SLC39A11: variants seen among roughly 807,000 people sequenced by gnomAD.
The protein encoded by SLC39A11 is zinc transporter ZIP11.
A neutral mutation model predicts 36.1 loss-of-function variants in SLC39A11; 33 were observed. The ratio of observed to expected loss-of-function variants is 0.91; its 90% CI spans 0.69 to 1.22. SLC39A11 has a LOEUF of 1.22. Among genes scored for constraint, SLC39A11 ranks in the 50% most tolerant of loss-of-function variants. SLC39A11 has a pLI of 0.00. For missense variants in SLC39A11, 432 were observed against 430.3 expected (o/e 1.00, Z -0.03); for synonymous variants, 166 against 170.3 (o/e 0.97, Z 0.20).
intron 7 of SLC39A11, among the ~76,000 whole-genome samples, chr17:72,736,255 G>T (rs1426716176): frequency 6.6e-6 from 1 of 152,124 alleles, no homozygotes; most frequent in East Asian, 1.9e-4. Flanking sequence ...GGAGCAGGTG[G>T]AAAGAGAGAG....
intron 4 of SLC39A11, among the ~76,000 whole-genome samples, chr17:72,948,823 G>A (rs945690490): frequency 9.2e-5 from 14 of 152,112 alleles, no homozygotes; most frequent in African/African-American, 3.1e-4. Context: ...ACAAAGTCCC[G>A]GTTCTTCTGA....
chr17:72,815,241 G>A (rs2077545792), intron 6 of SLC39A11, among the ~76,000 whole-genome samples: 1 of 152,204 alleles, frequency 6.6e-6, no homozygotes, highest in Non-Finnish European at 1.5e-5. Flanking sequence ...GGAAGGGAGA[G>A]CCAACAGAAC....
At chr17:72,954,253 C>G (rs895539590) in intron 4 of SLC39A11, among the ~76,000 whole-genome samples, 1 of 152,192 alleles carries the variant, frequency 6.6e-6, no homozygotes, top group African/African-American at 2.4e-5. Context: ...ACCATGTTGG[C>G]CAGGCTGGTC....
chr17:72,920,945 A>G (rs1053186900), intron 5 of SLC39A11, among the ~76,000 whole-genome samples: 3 of 152,032 alleles, frequency 2.0e-5, no homozygotes, highest in Admixed American at 1.3e-4. Context: ...AACACCATCT[A>G]ACGCACTATG....
At chr17:72,960,639 A>G (rs1346002094) in intron 4 of SLC39A11, among the ~76,000 whole-genome samples, 1 of 151,542 alleles carries the variant, frequency 6.6e-6, no homozygotes, top group Non-Finnish European at 1.5e-5. Flanking sequence ...AAATAAAAGT[A>G]AAAAATTAAA....
rs2076622277 is a variant in SLC39A11 at position 72,789,291 on chromosome 17, C to T, written c.602-52572G>A. ...CTCGTGATCCGCCCGCCTAGGCCTC[C>T]CAAAGGCTTTGACTGCAGTGTAATA... On this transcript the variant is annotated intron_variant, in intron 6 of 9. Coordinates refer to ENST00000255559, the MANE Select transcript of SLC39A11 (RefSeq NM_139177.4). 2.0e-5 allele frequency among the ~76,000 whole-genome samples: 3 copies of T among 152,146 alleles called. No individual in the cohort carries two copies. In the South Asian group the frequency reaches 6.2e-4, roughly 32 times the overall value.
chr17:73,040,521 C>A (rs2059070034), intron 3 of SLC39A11, among the ~76,000 whole-genome samples: 1 of 152,116 alleles, frequency 6.6e-6, no homozygotes, highest in Non-Finnish European at 1.5e-5. Flanking sequence ...GGAATAGTAA[C>A]AAACAAATGT....
chr17:72,920,986 C>T (rs1397781902), intron 5 of SLC39A11, among the ~76,000 whole-genome samples: 4 of 152,172 alleles, frequency 2.6e-5, no homozygotes, highest in Non-Finnish European at 5.9e-5. Flanking sequence ...CATTCTCTGT[C>T]TCCTCCACTG....
chr17:72,861,686 T>TAAAA (rs2080024623), intron 5 of SLC39A11, among the ~76,000 whole-genome samples: 1 of 112,618 alleles, frequency 8.9e-6, no homozygotes, highest in African/African-American at 3.3e-5. Context: ...TATATATATA[T>TAAAA]ATAAAATATA....
rs2074085429 is a variant in SLC39A11 at position 72,729,426 on chromosome 17, TATATATATATATATATA to T, written c.671+7207_671+7223del. Among the ~76,000 whole-genome samples the T allele has an allele frequency of 7.9e-3, 42 of 5,306 alleles. 1 individual carries two copies. The highest frequency in any genetic ancestry group is 0.016 in the Non-Finnish European group (24 of 1,504). The allele number at this position is 5,306 out of a possible 152,430, so 3.5% of individuals were successfully genotyped here. A position where few individuals can be genotyped will look rare whatever the true frequency, so the allele number is the denominator to read the frequency against. On this transcript the variant is annotated intron_variant, in intron 7 of 9. Coordinates refer to ENST00000255559, the MANE Select transcript of SLC39A11 (RefSeq NM_139177.4). ...CTATTTATATATATATATATATATA[TATATATATATATATATA>T]TATATATATATATATTTTTTTTTTT... is the stretch of plus-strand genomic sequence containing the variant.
At chr17:72,983,840 G>A (rs1346830095) in intron 4 of SLC39A11, among the ~76,000 whole-genome samples, 1 of 152,210 alleles carries the variant, frequency 6.6e-6, no homozygotes, top group Non-Finnish European at 1.5e-5. Context: ...GAGAGCTGGT[G>A]AGTTACTAAG....
At chr17:72,912,477 C>A (rs6501579) in intron 5 of SLC39A11, among the ~76,000 whole-genome samples, 72,386 of 150,650 alleles carry the variant, frequency 0.48, 17,447 homozygotes, top group East Asian at 0.66. Flanking sequence ...AGCCGCTACC[C>A]AGGCTGGAGT....
intron 3 of SLC39A11, among the ~76,000 whole-genome samples, chr17:73,080,418 C>A (rs117155418): frequency 3.5e-3 from 537 of 152,236 alleles, no homozygotes; most frequent in Non-Finnish European, 5.8e-3. Flanking sequence ...GTGCTGGGAT[C>A]ATTGGAAAGC....
intron 7 of SLC39A11, among the ~76,000 whole-genome samples, chr17:72,670,158 TATACACACACACACACACACACACAC>T (rs1318239097): frequency 4.7e-5 from 6 of 126,346 alleles, no homozygotes; most frequent in Admixed American, 8.5e-5. Flanking sequence ...ACACATTTTA[TATACACACACACACACACACACACAC>T]ACACACACAC....
intron 7 of SLC39A11, among the ~76,000 whole-genome samples, chr17:72,656,264 C>G (rs2070114261): frequency 6.6e-6 from 1 of 152,148 alleles, no homozygotes; most frequent in South Asian, 2.1e-4. Context: ...CACAAAGACA[C>G]TATTACTAGT....
At chr17:72,921,135 T>C (rs1208492672) in intron 5 of SLC39A11, among the ~76,000 whole-genome samples, 1 of 152,120 alleles carries the variant, frequency 6.6e-6, no homozygotes, top group African/African-American at 2.4e-5. Context: ...CTTAAGAATT[T>C]GGTAACTGCA....
At chr17:72,977,549 G>C (rs546039004) in intron 4 of SLC39A11, among the ~76,000 whole-genome samples, 8 of 152,302 alleles carry the variant, frequency 5.3e-5, no homozygotes, top group South Asian at 4.2e-4. Context: ...GAGGCAAGGG[G>C]AGAACACCCC....
chr17:72,975,085 C>T (rs1471760797), intron 4 of SLC39A11, among the ~76,000 whole-genome samples: 1 of 152,144 alleles, frequency 6.6e-6, no homozygotes, highest in Non-Finnish European at 1.5e-5. Context: ...TTGAGTAATG[C>T]ATGACTTTAT....
At chr17:72,989,200 A>AAAC (rs1371572465) in intron 4 of SLC39A11, among the ~76,000 whole-genome samples, 1 of 152,370 alleles carries the variant, frequency 6.6e-6, no homozygotes, top group South Asian at 2.1e-4. Flanking sequence ...GATAAAAATA[A>AAAC]AACAACAACA....
Sources: allele counts gnomAD v4.1 joint callset (sites outside exome capture counted in the v4.1 genomes callset), GRCh38; gene constraint gnomAD v4.1.1; transcripts MANE v1.5; gene names NCBI Gene and HGNC (gene_info 2026-07-23, HGNC 2026-07-21).